DPYD: variants seen among roughly 807,000 people sequenced by gnomAD.
DPYD encodes the protein dihydropyrimidine dehydrogenase [NADP(+)].
A neutral mutation model predicts 116.2 loss-of-function variants in DPYD; 109 were observed. The observed-to-expected ratio is 0.94, with a 90% CI of 0.80 to 1.10. The LOEUF (loss-of-function observed/expected upper bound fraction) is 1.10. Among genes scored for constraint, DPYD ranks in the 50% least tolerant of loss-of-function variants. The probability of loss-of-function intolerance (pLI) is 0.00; values close to 1 mark genes in which losing one functional copy is unlikely to be tolerated. For missense variants in DPYD, 1,302 were observed against 1,254.5 expected (o/e 1.04, Z -0.57); for synonymous variants, 440 against 432.0 (o/e 1.02, Z -0.23).
intron 19 of DPYD, among the ~76,000 whole-genome samples, chr1:97,225,317 G>A (rs1661068306): frequency 6.6e-6 from 1 of 151,882 alleles, no homozygotes. Context: ...ATATCTCATT[G>A]TAGTTTTGAT....
At chr1:97,446,273 C>T (rs180710105) in intron 14 of DPYD, among the ~76,000 whole-genome samples, 235 of 152,190 alleles carry the variant, frequency 1.5e-3, no homozygotes, top group African/African-American at 5.5e-3. Flanking sequence ...AGTGAGAATC[C>T]TTTGTAACCC....
At chr1:97,337,511 C>G (rs1324573142) in intron 16 of DPYD, among the ~76,000 whole-genome samples, 1 of 152,110 alleles carries the variant, frequency 6.6e-6, no homozygotes, top group African/African-American at 2.4e-5. Flanking sequence ...ATCTCATTCA[C>G]CTAGGCCTCC....
chr1:97,254,531 G>A (rs909457140), intron 18 of DPYD, among the ~76,000 whole-genome samples: 4 of 152,022 alleles, frequency 2.6e-5, no homozygotes, highest in African/African-American at 9.7e-5. Context: ...TCAACAGAAA[G>A]AGAAAGAGAA....
intron 8 of DPYD, among the ~76,000 whole-genome samples, chr1:97,665,127 G>GA (rs1301498811): frequency 6.6e-6 from 1 of 151,808 alleles, no homozygotes; most frequent in Non-Finnish European, 1.5e-5. Context: ...ATTAGAATGG[G>GA]AAAAAAGGCA....
chr1:97,866,157 T>C (rs1353695291), intron 2 of DPYD, among the ~76,000 whole-genome samples: 1 of 151,962 alleles, frequency 6.6e-6, no homozygotes, highest in African/African-American at 2.4e-5. Flanking sequence ...ATATCTAAAA[T>C]AAACCTCTAT....
chr1:97,693,599 A>G (rs1661147692), intron 6 of DPYD, among the ~76,000 whole-genome samples: 1 of 152,164 alleles, frequency 6.6e-6, no homozygotes, highest in African/African-American at 2.4e-5. Flanking sequence ...AGACACACAG[A>G]CTTGATAGAC....
chr1:97,100,310 CA>C (rs940241775), intron 20 of DPYD, among the ~76,000 whole-genome samples: 18 of 151,788 alleles, frequency 1.2e-4, no homozygotes, highest in African/African-American at 4.4e-4. Context: ...CACTTGGTGC[CA>C]AAAAAATGCC....
In DPYD at chr1:97,786,099, G is replaced by T. The variant is rs577666635; in HGVS notation, c.233+42015C>A. 7.3e-5 allele frequency among the ~76,000 whole-genome samples: 11 copies of T among 151,084 alleles called. No homozygotes were observed. The South Asian group carries it at 2.1e-3, about 29-fold the overall frequency. ...AAAAAAAAAAAAAAGAAAGAAAAGG[G>T]ATTCAACTTCTCTCCCAAAATACGC... On this transcript the variant is annotated intron_variant, in intron 3 of 22. Transcript: ENST00000370192.
intron 11 of DPYD, among the ~76,000 whole-genome samples, chr1:97,567,363 G>A (rs1652594698): frequency 6.6e-6 from 1 of 151,538 alleles, no homozygotes; most frequent in African/African-American, 2.4e-5. Flanking sequence ...GGAACTAACT[G>A]CAATCAATGT....
intron 20 of DPYD, among the ~76,000 whole-genome samples, chr1:97,103,220 CT>C (rs1430404145): frequency 1.7e-4 from 26 of 152,086 alleles, no homozygotes. Flanking sequence ...AATTCAGTTA[CT>C]TTTCTTCTTT....
intron 15 of DPYD, among the ~76,000 whole-genome samples, chr1:97,378,485 A>G (rs1478756247): frequency 1.3e-5 from 2 of 152,126 alleles, no homozygotes; most frequent in African/African-American, 2.4e-5. Context: ...TTTAATGCCT[A>G]TGCCTTTCTG....
At position 97,193,229 on chromosome 1, in the gene DPYD, T is replaced by C; in HGVS notation, c.2462A>G (p.Asn821Ser). 5 of 1,613,712 alleles carry C rather than the reference T, an allele frequency of 3.1e-6. No homozygotes were observed. Among genetic ancestry groups the C allele is most frequent in the Non-Finnish European group, 4.2e-6 (5 of 1,179,840 alleles). The change falls in exon 20 of 23, where the codon AAT (asparagine) becomes AGT (serine). Residue 821 changes from asparagine (N) to serine (S), a missense_variant. Transcript: ENST00000370192. The part of the protein sequence containing the change: ...SVLQVCSAIQ[N>S]QDFTVIEDYC... ...GTCTTCGATCACAGTGAAATCCTGA[T>C]TCTGAATGGCACTGCATACCTAGAA...
intron 19 of DPYD, among the ~76,000 whole-genome samples, chr1:97,195,961 C>T (rs2101832503): frequency 6.6e-6 from 1 of 151,542 alleles, no homozygotes; most frequent in Non-Finnish European, 1.5e-5. Flanking sequence ...GGAGTAGATG[C>T]CGGTTTTTTT....
At chr1:97,529,807 T>TC (rs1304805308) in intron 12 of DPYD, among the ~76,000 whole-genome samples, 1 of 151,538 alleles carries the variant, frequency 6.6e-6, no homozygotes, top group African/African-American at 2.4e-5. Flanking sequence ...CCTTTTTCTT[T>TC]CTTTCCTTTC....
At chr1:97,850,804 T>C (rs1021594245) in intron 2 of DPYD, among the ~76,000 whole-genome samples, 4 of 152,094 alleles carry the variant, frequency 2.6e-5, no homozygotes, top group African/African-American at 9.7e-5. Flanking sequence ...TTGTACTTCA[T>C]TGCTTATAAC....
At chr1:97,302,321 C>T (rs918892578) in intron 18 of DPYD, among the ~76,000 whole-genome samples, 4 of 151,906 alleles carry the variant, frequency 2.6e-5, no homozygotes, top group African/African-American at 9.7e-5. Flanking sequence ...AACAAGATTT[C>T]CTTTTATACT....
In DPYD at chr1:97,697,590, T is replaced by A. The variant is rs532940662; in HGVS notation, c.680+1761A>T. Among the ~76,000 whole-genome samples, 7 of 152,116 alleles carry A rather than the reference T, an allele frequency of 4.6e-5. No individual in the cohort carries two copies. The South Asian group carries it at 1.5e-3, about 32-fold the overall frequency. On this transcript the variant is annotated intron_variant, in intron 6 of 22. Coordinates refer to ENST00000370192, the MANE Select transcript of DPYD (RefSeq NM_000110.4). ...TTAAATATTTCATATTGTCTCTACA[T>A]ACTGAAAAGATTCAAAGGCAAAAGA...
At chr1:97,567,480 T>C (rs1248178909) in intron 11 of DPYD, among the ~76,000 whole-genome samples, 1 of 152,098 alleles carries the variant, frequency 6.6e-6, no homozygotes, top group Non-Finnish European at 1.5e-5. Flanking sequence ...AAAGAAAATG[T>C]AAGCAGTGGG....
chr1:97,188,266 T>C (rs771321076), intron 20 of DPYD, among the ~76,000 whole-genome samples: 8 of 152,186 alleles, frequency 5.3e-5, no homozygotes, highest in African/African-American at 9.6e-5. Flanking sequence ...ATATCACCAA[T>C]ATGTATTTCA....
Sources: allele counts gnomAD v4.1 joint callset (sites outside exome capture counted in the v4.1 genomes callset), GRCh38; gene constraint gnomAD v4.1.1; transcripts MANE v1.5; gene names NCBI Gene and HGNC (gene_info 2026-07-23, HGNC 2026-07-21).